Variants in ZNF451 observed in about 807,000 individuals in gnomAD.
ZNF451 encodes the protein zinc finger protein 451.
A neutral mutation model predicts 107.1 loss-of-function variants in ZNF451; 80 were observed. That is an observed-to-expected ratio of 0.75 (90% CI 0.62 to 0.90). The LOEUF (loss-of-function observed/expected upper bound fraction) is 0.90. Ranked by LOEUF, ZNF451 falls within the 40% of genes least tolerant of loss-of-function variation. The pLI, the probability that ZNF451 is intolerant of heterozygous loss-of-function variation, is 0.00. For missense variants in ZNF451, 1,107 were observed against 1,236.2 expected, an observed-to-expected ratio of 0.90 and a Z score of 1.57; for synonymous variants, 362 against 406.5, an observed-to-expected ratio of 0.89 and a Z score of 1.32.
At chr6:57,133,308 A>G in intron 6 of ZNF451, 116 bp downstream of exon 6, 1 of 1,058,938 alleles carries the variant, frequency 9.4e-7, no homozygotes, top group East Asian at 2.5e-5. Context: ...TTATATTCCA[A>G]ACTCAAATTA....
intron 2 of ZNF451, among the ~76,000 whole-genome samples, chr6:57,098,118 C>T (rs1829415097): frequency 6.6e-6 from 1 of 150,708 alleles, no homozygotes; most frequent in South Asian, 2.1e-4. Flanking sequence ...TACAGGCACG[C>T]ACCACCATGC....
intron 14 of ZNF451, among the ~76,000 whole-genome samples, chr6:57,168,195 C>T (rs1371037591): frequency 1.3e-5 from 2 of 152,100 alleles, no homozygotes; most frequent in Non-Finnish European, 2.9e-5. Context: ...GTGGAATTAA[C>T]TTGCAAGTTC....
intron 9 of ZNF451, among the ~76,000 whole-genome samples, chr6:57,143,805 C>CT (rs1396050226): frequency 6.6e-6 from 1 of 152,142 alleles, no homozygotes; most frequent in African/African-American, 2.4e-5. Context: ...TCCCAAATGT[C>CT]TATCAGCTGA....
Position 57,148,520 on chromosome 6 carries a change from A to G in ZNF451, c.2435A>G (p.His812Arg), listed in dbSNP as rs1357543076. The change falls in exon 10 of 15, where the codon CAT becomes CGT. Residue 812 changes from histidine to arginine, a missense_variant. Physicochemically the swap from His to Arg is conservative, Grantham distance 29. Coordinates refer to ENST00000370706, the MANE Select transcript of ZNF451 (RefSeq NM_001031623.3). Reference sequence around the variant, plus strand: ...GCACAGCAGCATTTCCATAGAAAACATTGCTTCTTACAGAAACCCAGTGTG... The same window carrying G: ...GCACAGCAGCATTTCCATAGAAAACGTTGCTTCTTACAGAAACCCAGTGTG... ...ESAQQHFHRK[H>R]CFLQKPSVAH... 1 of 1,614,138 alleles carries G rather than the reference A, an allele frequency of 6.2e-7. No homozygotes were observed. Among genetic ancestry groups the G allele is most frequent in the Non-Finnish European group, 8.5e-7 (1 of 1,179,990 alleles).
chr6:57,147,022 A>G, intron 9 of ZNF451, 68 bp from the exon 10 acceptor site: 2 of 1,381,712 alleles, frequency 1.4e-6, no homozygotes, highest in Non-Finnish European at 1.9e-6. Flanking sequence ...TTCCTGCAAT[A>G]AAATGCAGCA....
chr6:57,166,363 A>G (rs542244512), intron 14 of ZNF451, among the ~76,000 whole-genome samples: 6 of 152,186 alleles, frequency 3.9e-5, no homozygotes, highest in Non-Finnish European at 8.8e-5. Flanking sequence ...TTCTTCAGTA[A>G]TCAGTTCACC....
At chr6:57,105,372 T>G in intron 3 of ZNF451, 1 of 984,616 alleles carries the variant, frequency 1.0e-6, no homozygotes, top group Non-Finnish European at 1.2e-6. Flanking sequence ...ACTGTTTCCA[T>G]TTTTATATGA....
chr6:57,109,686 TAA>T, intron 3 of ZNF451: 1 of 977,370 alleles, frequency 1.0e-6, no homozygotes, highest in Non-Finnish European at 1.2e-6. Context: ...AACAGTGTAC[TAA>T]GTCATTAAAA....
At chr6:57,156,964 C>T (rs1763456694) in intron 13 of ZNF451, among the ~76,000 whole-genome samples, 1 of 152,206 alleles carries the variant, frequency 6.6e-6, no homozygotes, top group Non-Finnish European at 1.5e-5. Context: ...GCTGGCTCAC[C>T]TGCTGCTCAC....
chr6:57,123,671 T>C (rs923346263), intron 3 of ZNF451, among the ~76,000 whole-genome samples: 1 of 150,048 alleles, frequency 6.7e-6, no homozygotes, highest in Non-Finnish European at 1.5e-5. Flanking sequence ...GAAATAAAAA[T>C]GAAAAAAAAA....
intron 3 of ZNF451, chr6:57,105,156 C>G: frequency 1.0e-6 from 1 of 985,334 alleles, no homozygotes; most frequent in Non-Finnish European, 1.2e-6. Context: ...GAACCTGCAA[C>G]AAAATTCCCT....
chr6:57,098,518 CTTA>C (rs1321527802), intron 2 of ZNF451, among the ~76,000 whole-genome samples: 1 of 152,006 alleles, frequency 6.6e-6, no homozygotes. Flanking sequence ...ATGTTATTGT[CTTA>C]TTATTATTTT....
chr6:57,092,553 C>T (rs779118461), intron 2 of ZNF451, among the ~76,000 whole-genome samples: 7 of 152,146 alleles, frequency 4.6e-5, no homozygotes, highest in Non-Finnish European at 1.0e-4. Context: ...TAAGTGGCAC[C>T]ACTTACATGA....
chr6:57,122,971 T>C (rs1008333862), intron 3 of ZNF451, among the ~76,000 whole-genome samples: 3 of 152,094 alleles, frequency 2.0e-5, no homozygotes, highest in Admixed American at 6.5e-5. Flanking sequence ...TCCTAGGAGT[T>C]TGAGACCAGC....
intron 3 of ZNF451, chr6:57,099,454 C>T: frequency 2.8e-6 from 2 of 716,450 alleles, no homozygotes; most frequent in Non-Finnish European, 5.2e-6. Context: ...TTCTCTTTTC[C>T]TTTACTCTCC....
intron 3 of ZNF451, chr6:57,104,703 C>T: frequency 2.0e-6 from 2 of 985,398 alleles, no homozygotes; most frequent in Non-Finnish European, 2.4e-6. Flanking sequence ...GCAGCTCCTC[C>T]ATTCTTAAAT....
chr6:57,108,415 A>G (rs964169156), intron 3 of ZNF451: 40 of 985,274 alleles, frequency 4.1e-5, no homozygotes, highest in Non-Finnish European at 4.6e-5. Context: ...TTAAATAACT[A>G]TATGTTGTGG....
chr6:57,146,586 C>T (rs898095891), intron 9 of ZNF451, among the ~76,000 whole-genome samples: 2 of 152,044 alleles, frequency 1.3e-5, no homozygotes, highest in Non-Finnish European at 1.5e-5. Context: ...AGGTATGTGG[C>T]TTTATTGCTG....
intron 2 of ZNF451, among the ~76,000 whole-genome samples, chr6:57,096,514 T>C (rs1430862545): frequency 6.6e-6 from 1 of 150,536 alleles, no homozygotes; most frequent in Non-Finnish European, 1.5e-5. Flanking sequence ...CCAGCCCATT[T>C]TACTTTTTAC....
Sources: allele counts gnomAD v4.1 joint callset (sites outside exome capture counted in the v4.1 genomes callset), GRCh38; gene constraint gnomAD v4.1.1; transcripts MANE v1.5; gene names NCBI Gene and HGNC (gene_info 2026-07-23, HGNC 2026-07-21).